STPG1: variants seen among roughly 807,000 people sequenced by gnomAD.
STPG1 encodes O(6)-methylguanine-induced apoptosis 2.
A neutral mutation model predicts 40.1 loss-of-function variants in STPG1; 33 were observed. The ratio of observed to expected loss-of-function variants is 0.82; its 90% CI spans 0.62 to 1.10. The LOEUF (loss-of-function observed/expected upper bound fraction) is 1.10, where lower values mean the gene tolerates loss of function less well. Ranked by LOEUF, STPG1 falls within the 50% of genes least tolerant of loss-of-function variation. The pLI, the probability that STPG1 is intolerant of heterozygous loss-of-function variation, is 0.00. For missense variants in STPG1, 396 were observed against 415.1 expected (o/e 0.95, Z 0.40); for synonymous variants, 150 against 155.0 (o/e 0.97, Z 0.24).
chr1:24,373,210 C>T (rs562544090), intron 6 of STPG1, among the ~76,000 whole-genome samples: 17 of 152,222 alleles, frequency 1.1e-4, no homozygotes, highest in Non-Finnish European at 2.4e-4. Flanking sequence ...ATGGAAACCA[C>T]TCACCGTGGA....
chr1:24,399,319 G>A lies in STPG1; in HGVS notation c.70+2000C>T, dbSNP rs1268701146. 1.3e-5 allele frequency among the ~76,000 whole-genome samples: 2 copies of A among 152,184 alleles called. No individual in the cohort carries two copies. The highest frequency in any genetic ancestry group is 2.9e-5 in the Non-Finnish European group (2 of 68,010). On this transcript the variant is annotated intron_variant, in intron 2 of 8. Transcript: ENST00000337248. The surrounding 1 kb of genome is among the most constrained non-coding windows in gnomAD (Gnocchi z 4.0). ...AAGGTAGCAACAGCAATACAGAGTA[G>A]TAGAGAATGAGCAGCCTTTCAATAA... is the stretch of plus-strand genomic sequence containing the variant.
At chr1:24,387,358 T>C (rs1642559159) in intron 3 of STPG1, among the ~76,000 whole-genome samples, 1 of 152,140 alleles carries the variant, frequency 6.6e-6, no homozygotes, top group South Asian at 2.1e-4. Flanking sequence ...TGATCCATTT[T>C]TGAGGGGTTT....
Position 24,408,073 on chromosome 1 carries a change from G to A in STPG1, c.-69+5601C>T, listed in dbSNP as rs1473993904. On this transcript the variant is annotated intron_variant, in intron 1 of 8. Coordinates refer to ENST00000337248, the MANE Select transcript of STPG1 (RefSeq NM_001199013.2). ...GACATTTTGAATTTTACATTGCTGG[G>A]TGCTGGGTTTTGATATATTCCTGCA... is the stretch of plus-strand genomic sequence containing the variant. Among the ~76,000 whole-genome samples, 5 of 152,142 alleles carry A rather than the reference G, an allele frequency of 3.3e-5. No individual in the cohort carries two copies. The East Asian group carries it at 9.6e-4, about 29-fold the overall frequency.
intron 4 of STPG1, among the ~76,000 whole-genome samples, chr1:24,381,567 G>A (rs1221885200): frequency 6.6e-6 from 1 of 152,198 alleles, no homozygotes; most frequent in Non-Finnish European, 1.5e-5. Flanking sequence ...CAGTCCTGTG[G>A]AAGATTCTGG....
rs1643143411 is a variant in STPG1 at position 24,399,689 on chromosome 1, GA to G, written c.70+1629del. On this transcript the variant is annotated intron_variant, in intron 2 of 8. Transcript: ENST00000337248. The surrounding 1 kb of genome is among the most constrained non-coding windows in gnomAD (Gnocchi z 4.0). Reference sequence around the variant, plus strand: ...AATCCCTATAAATAAGAAAAGGACAGAATGGTTTAAAGAACTCCTATAAATA... The same window carrying G: ...AATCCCTATAAATAAGAAAAGGACAGATGGTTTAAAGAACTCCTATAAATA... Among the ~76,000 whole-genome samples the G allele has an allele frequency of 6.6e-6, 1 of 152,002 alleles. No homozygotes were observed. The highest frequency in any genetic ancestry group is 1.5e-5 in the Non-Finnish European group (1 of 67,982).
rs781133070 is a variant in STPG1 at position 24,379,781 on chromosome 1, T to C, written c.334A>G (p.Asn112Asp). The C allele has an allele frequency of 6.2e-7, 1 of 1,614,116 alleles. No individual in the cohort carries two copies. The highest frequency in any genetic ancestry group is 8.5e-7 in the Non-Finnish European group (1 of 1,179,948). The change falls in exon 5 of 9, where the codon AAT (asparagine) becomes GAT (aspartate). Residue 112 changes from asparagine to aspartate, a missense_variant. Transcript: ENST00000337248. ...DTIISKYPAA[N>D]AYTIPSDFIS... ...AAATCCGATGGGATAGTGTATGCAT[T>C]CGCTGCAGGGTATTTAGAAATGATG...
At chr1:24,400,340 T>C (rs1643170893) in intron 2 of STPG1, among the ~76,000 whole-genome samples, 1 of 152,206 alleles carries the variant, frequency 6.6e-6, no homozygotes, top group Non-Finnish European at 1.5e-5. Context: ...AGGATAACCG[T>C]AGTGTTTACT....
In STPG1 at chr1:24,384,259, T is replaced by C. The variant is rs1387117043; in HGVS notation, c.190-256A>G. On this transcript the variant is annotated intron_variant, in intron 3 of 8. Coordinates refer to ENST00000337248, the MANE Select transcript of STPG1 (RefSeq NM_001199013.2). ...GCTCTTTCCACTATGCCCTGCCGCA[T>C]TCCAAAAGAACACAGTTGTTTTTTC... Among the ~76,000 whole-genome samples, 11 of 152,196 alleles carry C rather than the reference T, an allele frequency of 7.2e-5. 1 individual carries two copies. Among genetic ancestry groups the C allele is most frequent in the African/African-American group, 2.2e-4 (9 of 41,444 alleles).
rs1285068505 is a variant in STPG1, at chr1:24,373,825, T to C, written c.463-15A>G. 1 of 1,556,638 alleles carries C rather than the reference T, an allele frequency of 6.4e-7. No homozygotes were observed. The highest frequency in any genetic ancestry group is 2.3e-5 in the East Asian group (1 of 44,160). ...GAGACAGAGGCCTAGGGGGAGAAAA[T>C]ACACCCAATGTACTCAGTACCTTTC... On this transcript the variant is annotated splice_polypyrimidine_tract_variant and intron_variant, in intron 5 of 8. Coordinates refer to ENST00000337248, the MANE Select transcript of STPG1 (RefSeq NM_001199013.2).
intron 4 of STPG1, among the ~76,000 whole-genome samples, chr1:24,381,032 C>T (rs187259157): frequency 6.6e-6 from 1 of 152,226 alleles, no homozygotes; most frequent in African/African-American, 2.4e-5. Context: ...ATCCTCAGGA[C>T]AACCCTGAGC....
Position 24,374,382 on chromosome 1 carries a change from C to T in STPG1, c.463-572G>A, listed in dbSNP as rs185859746. Among the ~76,000 whole-genome samples the T allele has an allele frequency of 1.3e-3, 189 of 148,684 alleles. 1 individual carries two copies. In the East Asian group the frequency reaches 0.032, roughly 26 times the overall value. On this transcript the variant is annotated intron_variant, in intron 5 of 8. Coordinates refer to ENST00000337248, the MANE Select transcript of STPG1 (RefSeq NM_001199013.2). ...CACGCCATTCTCCTGCCTCAGCCTC[C>T]GGAGTAGCTGGGACTATAGGTGCCT...
At chr1:24,366,469 T>C (rs1356476672) in intron 7 of STPG1, among the ~76,000 whole-genome samples, 5 of 152,270 alleles carry the variant, frequency 3.3e-5, no homozygotes, top group Non-Finnish European at 7.3e-5. Flanking sequence ...TCTTTTCTTT[T>C]CATTACATCA....
intron 2 of STPG1, among the ~76,000 whole-genome samples, chr1:24,395,353 T>A (rs532257264): frequency 6.7e-6 from 1 of 149,624 alleles, no homozygotes; most frequent in Non-Finnish European, 1.5e-5. Flanking sequence ...CTGAATCACA[T>A]AAAGGAATGA....
At chr1:24,412,012 G>A (rs1227572296) in intron 1 of STPG1, 1 of 152,066 alleles carries the variant, frequency 6.6e-6, no homozygotes, top group Non-Finnish European at 1.5e-5. Flanking sequence ...CTCAAAGTAA[G>A]TCTCATTTCT....
intron 1 of STPG1, among the ~76,000 whole-genome samples, chr1:24,401,678 G>A (rs1483026053): frequency 6.6e-6 from 1 of 152,146 alleles, no homozygotes; most frequent in African/African-American, 2.4e-5. Context: ...AACTACTGAA[G>A]GCTTGGATTT....
rs1642778164 is a variant in STPG1 at position 24,391,654 on chromosome 1, T to C, written c.96A>G (p.Gln32=). The change falls in exon 3 of 9, where the codon CAA becomes CAG. Residue 32 remains glutamine, a synonymous_variant. Transcript: ENST00000337248. ...CTTGAGATTTAAAAGGAATGGAGGA[T>C]TGTGTTGGATATGCAGCAGTAAAAC... The part of the protein sequence containing the change: ...QKGFTAAYPT[Q]SSIPFKSQAS... 5.2e-6 allele frequency: 8 copies of C among 1,549,458 alleles called. No individual in the cohort carries two copies. Among genetic ancestry groups the C allele is most frequent in the Non-Finnish European group, 6.1e-6 (7 of 1,146,144 alleles).
At chr1:24,380,362 G>A (rs1399396924) in intron 4 of STPG1, among the ~76,000 whole-genome samples, 1 of 152,112 alleles carries the variant, frequency 6.6e-6, no homozygotes, top group Admixed American at 6.5e-5. Flanking sequence ...CGGTTTAACA[G>A]AACCAATCCC....
intron 7 of STPG1, chr1:24,364,511 C>G (rs1641328481): frequency 7.4e-7 from 1 of 1,345,526 alleles, no homozygotes; most frequent in Non-Finnish European, 9.6e-7. Context: ...TTTTACTTGC[C>G]TAGCTCTTTA....
At chr1:24,401,644 A>T (rs1643233179) in intron 1 of STPG1, among the ~76,000 whole-genome samples, 188 bp from the exon 2 acceptor site, 1 of 152,218 alleles carries the variant, frequency 6.6e-6, no homozygotes, top group Non-Finnish European at 1.5e-5. Flanking sequence ...CTGCGTAAGA[A>T]GTCACTGTTG....
Sources: gnomAD v4.1 joint callset for allele counts (sites outside exome capture counted in the v4.1 genomes callset) on GRCh38, gnomAD v4.1.1 for gene constraint, Gnocchi (gnomAD v3.1) non-coding constraint, MANE v1.5 for transcripts, NCBI Gene and HGNC (gene_info 2026-07-23, HGNC 2026-07-21) for gene names.